FANCB: variants seen among roughly 807,000 people sequenced by gnomAD.
The protein encoded by FANCB is FA complementation group B, also known as Fanconi anemia group B protein.
In FANCB, 5 loss-of-function variants were observed where a neutral mutation model predicts 38.9. The ratio of observed to expected loss-of-function variants is 0.13; its 90% CI spans 0.07 to 0.27. FANCB has a LOEUF of 0.27. Ranked by LOEUF, FANCB falls within the 10% of genes least tolerant of loss-of-function variation. The pLI, the probability that FANCB is intolerant of heterozygous loss-of-function variation, is 1.00. For synonymous variants in FANCB, 236 were observed against 215.4 expected, an observed-to-expected ratio of 1.10 and a Z score of -0.84; for missense variants, 573 against 602.7, an observed-to-expected ratio of 0.95 and a Z score of 0.52.
the FANCB span, among the ~76,000 whole-genome samples, chrX:14,778,445 A>ACATCATG: frequency 8.9e-6 from 1 of 111,984 alleles, no homozygotes; most frequent in Non-Finnish European, 1.9e-5. Flanking sequence ...CCCAACTGAG[A>ACATCATG]CATCATGCAT....
chrX:14,784,817 G>A, the FANCB span, among the ~76,000 whole-genome samples: 4 of 112,361 alleles, frequency 3.6e-5, no homozygotes, highest in South Asian at 7.4e-4. Context: ...TATATACCAT[G>A]GAATACTATG....
In FANCB at chrX:14,843,854, T is replaced by C. The variant is rs767721906; in HGVS notation, c.2293A>G (p.Lys765Glu). The C allele has an allele frequency of 1.7e-6, 2 of 1,207,206 alleles. No individual in the cohort carries two copies. The highest frequency in any genetic ancestry group is 4.4e-5 in the Admixed American group (2 of 45,389). Reference sequence around the variant, plus strand: ...AGAGAACTAAGGGTGACTAGTTCCTTCTCCAAAGTAAATGCCATATTATCA... The same window carrying C: ...AGAGAACTAAGGGTGACTAGTTCCTCCTCCAAAGTAAATGCCATATTATCA... The part of the protein sequence containing the change: ...LIDNMAFTLE[K>E]ELVTLSSLSS... Residue 765 changes from lysine (K) to glutamate (E), a missense_variant, in exon 10 of 10, where the codon AAG (lysine) becomes GAG (glutamate). Physicochemically the swap from Lys to Glu is moderately conservative, Grantham distance 56. Coordinates refer to ENST00000650831, the MANE Select transcript of FANCB (RefSeq NM_001018113.3).
chrX:14,720,687 C>G, the FANCB span, among the ~76,000 whole-genome samples: 1 of 111,816 alleles, frequency 8.9e-6, no homozygotes, highest in African/African-American at 3.3e-5. Flanking sequence ...TTTGAAACAT[C>G]TTTCTTTTTC....
Position 14,864,614 on chromosome X carries a change from G to A in FANCB, c.897C>T (p.Phe299=), listed in dbSNP as rs753443421. ...CATTATTGGATATAAAGGATACAAC[G>A]AAAAAGAGGTTTCCTCCACCTGAAT... ...LMDSGGGNLF[F]VVSFISNNAC... Residue 299 remains phenylalanine, a synonymous_variant, in exon 3 of 10, where the codon TTC becomes TTT. Coordinates refer to ENST00000650831, the MANE Select transcript of FANCB (RefSeq NM_001018113.3). The A allele has an allele frequency of 1.6e-4, 190 of 1,206,649 alleles. 1 individual carries two copies. The South Asian group carries it at 2.8e-3, about 18-fold the overall frequency.
At chrX:14,788,181 T>C in the FANCB span, among the ~76,000 whole-genome samples, 2 of 108,650 alleles carry the variant, frequency 1.8e-5, no homozygotes, top group Admixed American at 2.0e-4. Context: ...GCAGACACTA[T>C]ATGAAGTATT....
the FANCB span, among the ~76,000 whole-genome samples, chrX:14,776,281 C>A: frequency 9.0e-6 from 1 of 111,644 alleles, no homozygotes; most frequent in African/African-American, 3.3e-5. Context: ...GTAGTTCAGA[C>A]TGATTTGGGT....
chrX:14,707,533 A>C, the FANCB span, among the ~76,000 whole-genome samples: 1 of 109,848 alleles, frequency 9.1e-6, no homozygotes, highest in Non-Finnish European at 1.9e-5. Flanking sequence ...TAGTGAGCTT[A>C]GAACCTGATA....
At chrX:14,784,896 T>C in the FANCB span, among the ~76,000 whole-genome samples, 3 of 111,935 alleles carry the variant, frequency 2.7e-5, no homozygotes, top group Non-Finnish European at 5.6e-5. Flanking sequence ...CACTTATCCT[T>C]AGCAAATTAA....
the FANCB span, among the ~76,000 whole-genome samples, chrX:14,717,982 C>T: frequency 2.7e-5 from 3 of 110,800 alleles, no homozygotes; most frequent in Non-Finnish European, 3.8e-5. Flanking sequence ...AGAATGTCGT[C>T]GGGTACGACA....
chrX:14,735,845 C>A, the FANCB span, among the ~76,000 whole-genome samples: 2 of 111,767 alleles, frequency 1.8e-5, no homozygotes, highest in Non-Finnish European at 3.8e-5. Context: ...GCCGCCCCTT[C>A]TCCCAGGCGC....
the FANCB span, among the ~76,000 whole-genome samples, chrX:14,729,480 A>G: frequency 1.8e-5 from 2 of 111,952 alleles, no homozygotes; most frequent in Non-Finnish European, 3.8e-5. Context: ...ACTTTTATCT[A>G]ATTTATGTAG....
downstream of FANCB, among the ~76,000 whole-genome samples, chrX:14,839,315 C>CA (rs201171028): frequency 2.9e-3 from 313 of 108,796 alleles, 1 homozygote; most frequent in African/African-American, 9.5e-3. Context: ...ACAACAACAA[C>CA]AACAAAAAAA....
intron 10 of FANCB, among the ~76,000 whole-genome samples, chrX:14,837,792 ACTGGATGATTAGAATC>A (rs1479772194): frequency 1.8e-5 from 2 of 112,502 alleles, no homozygotes; most frequent in Non-Finnish European, 3.8e-5. Flanking sequence ...CTGTAGCTGG[ACTGGATGATTAGAATC>A]CTGGCTCTGT....
the FANCB span, among the ~76,000 whole-genome samples, chrX:14,775,324 T>C: frequency 9.0e-6 from 1 of 110,852 alleles, no homozygotes; most frequent in Middle Eastern, 4.6e-3. Flanking sequence ...CCTGCCTTCC[T>C]CTATCTTTCA....
chrX:14,872,122 A>G (rs936113633), intron 1 of FANCB, among the ~76,000 whole-genome samples: 1 of 112,256 alleles, frequency 8.9e-6, no homozygotes, highest in Non-Finnish European at 1.9e-5. Context: ...AGGATAGGTG[A>G]GTAGAGGTAG....
At chrX:14,849,617 C>T (rs776223498) in intron 7 of FANCB, among the ~76,000 whole-genome samples, 7 of 112,200 alleles carry the variant, frequency 6.2e-5, no homozygotes, top group South Asian at 3.7e-4. Context: ...AAGAGAATAT[C>T]GTCTGTTATC....
At chrX:14,760,644 C>T in the FANCB span, among the ~76,000 whole-genome samples, 1 of 111,982 alleles carries the variant, frequency 8.9e-6, no homozygotes, top group Non-Finnish European at 1.9e-5. Context: ...ATATACAATA[C>T]TATTTGTCAA....
At chrX:14,723,428 T>A in the FANCB span, among the ~76,000 whole-genome samples, 13 of 112,241 alleles carry the variant, frequency 1.2e-4, no homozygotes, top group Non-Finnish European at 2.3e-4. Flanking sequence ...GCTGTAGCTT[T>A]GTAACTTCTT....
At chrX:14,690,514 T>A in the FANCB span, among the ~76,000 whole-genome samples, 1 of 112,122 alleles carries the variant, frequency 8.9e-6, no homozygotes, top group Non-Finnish European at 1.9e-5. Context: ...CTTTCAGTGC[T>A]CTGCCCAGAA....
Sources: allele counts gnomAD v4.1 joint callset (sites outside exome capture counted in the v4.1 genomes callset), GRCh38; gene constraint gnomAD v4.1.1; transcripts MANE v1.5; gene names NCBI Gene and HGNC (gene_info 2026-07-23, HGNC 2026-07-21).